The following CD4 variants were observed in gnomAD, a reference collection of about 807,000 sequenced individuals.
The protein encoded by CD4 is CD4 molecule, also known as T-cell surface glycoprotein CD4.
CD4 carries 25 observed loss-of-function variants against 50.5 expected under a neutral mutation model. That is an observed-to-expected ratio of 0.49 (90% CI 0.36 to 0.69). CD4 has a LOEUF of 0.69. CD4 is among the 30% of genes least tolerant of loss of function. CD4 has a pLI of 0.00. For missense variants in CD4, 456 were observed against 548.5 expected (o/e 0.83, Z 1.68); for synonymous variants, 207 against 221.9 (o/e 0.93, Z 0.60).
intron 3 of CD4, among the ~76,000 whole-genome samples, chr12:6,801,181 C>A (rs1555115175): frequency 6.7e-6 from 1 of 149,516 alleles, no homozygotes; most frequent in Non-Finnish European, 1.5e-5. Context: ...GCTGGAATTA[C>A]AGGTGTGTGT....
At chr12:6,814,334 T>C (rs782549315) in intron 4 of CD4, 34 bp downstream of exon 4, 1 of 1,597,000 alleles carries the variant, frequency 6.3e-7, no homozygotes, top group African/African-American at 1.3e-5. Flanking sequence ...GGATACCTCC[T>C]GCCTGGTTCC....
Position 6,818,635 on chromosome 12 carries a change from C to T in CD4, c.1278+93C>T. On this transcript the variant is annotated intron_variant, in intron 8 of 9. Coordinates refer to ENST00000011653, the MANE Select transcript of CD4 (RefSeq NM_000616.5). This position sits in a 1 kb window ranked among gnomAD's most constrained non-coding sequence, Gnocchi z 5.0. The stretch of plus-strand genomic sequence containing the variant: ...TATATGGGAACTGATTTTGGCCCAG[C>T]TCCCTCTGCCCACTCGTAAGTTCCC... 3 of 1,493,438 alleles carry T rather than the reference C, an allele frequency of 2.0e-6. No homozygotes were observed. The highest frequency in any genetic ancestry group is 2.8e-6 in the Non-Finnish European group (3 of 1,082,438). 92.5% of individuals were successfully genotyped at this position (1,493,438 alleles called of 1,614,324 possible). A position where few individuals can be genotyped will look rare whatever the true frequency, so the allele number is the denominator to read the frequency against.
chr12:6,811,323 A>G (rs1184063999), intron 3 of CD4, among the ~76,000 whole-genome samples: 3 of 152,196 alleles, frequency 2.0e-5, no homozygotes, highest in African/African-American at 7.2e-5. Flanking sequence ...ATGCACAGCT[A>G]AAGAGAAAAC....
rs559703976 is a variant in CD4, at chr12:6,802,814, G to A, written c.214+2343G>A. On this transcript the variant is annotated intron_variant, in intron 3 of 9. Transcript: ENST00000011653. Reference sequence around the variant, plus strand: ...TGCAATGGCGCGATCTCAGCTCGCTGCAACCTCTGCCTCCCAGGTTCAAGC... The same window carrying A: ...TGCAATGGCGCGATCTCAGCTCGCTACAACCTCTGCCTCCCAGGTTCAAGC... Among the ~76,000 whole-genome samples, 4 of 152,044 alleles carry A rather than the reference G, an allele frequency of 2.6e-5. No individual in the cohort carries two copies. The South Asian group carries it at 8.3e-4, about 32-fold the overall frequency.
At chr12:6,817,774 CCA>C (rs1173582654) in intron 7 of CD4, among the ~76,000 whole-genome samples, 37 of 146,508 alleles carry the variant, frequency 2.5e-4, no homozygotes, top group Admixed American at 7.5e-4. Context: ...ACACACACAT[CCA>C]CACTCACACC....
At chr12:6,819,193 G>C (rs1565503645) in intron 9 of CD4, 106 bp from the exon 10 acceptor site, 9 of 1,156,250 alleles carry the variant, frequency 7.8e-6, no homozygotes, top group Non-Finnish European at 1.2e-5. Flanking sequence ...GGCCCTGCTG[G>C]AAAGCCACTG....
intron 1 of CD4, among the ~76,000 whole-genome samples, chr12:6,793,637 G>A (rs1206732403): frequency 2.0e-5 from 3 of 149,706 alleles, no homozygotes; most frequent in Non-Finnish European, 4.4e-5. Context: ...AAACAAAATT[G>A]TATCTATCTA....
chr12:6,800,510 A>G (rs782224163), intron 3 of CD4, 39 bp downstream of exon 3: 6 of 1,559,836 alleles, frequency 3.8e-6, no homozygotes, highest in Non-Finnish European at 5.2e-6. Context: ...AGGAAAACAC[A>G]CTATGGAGTG....
rs968880875 is a variant in CD4, at chr12:6,819,282, C to A, written c.1347-17C>A. 7 of 1,614,080 alleles carry A rather than the reference C, an allele frequency of 4.3e-6. No individual in the cohort carries two copies. Among genetic ancestry groups the A allele is most frequent in the Non-Finnish European group, 5.9e-6 (7 of 1,179,930 alleles). ...CAGTGGGGACAGACCTGCTCCCCTTCTTCTTTGTTCCTGCAGCCGGTTTCA... is the reference window on the plus strand; with the variant it reads ...CAGTGGGGACAGACCTGCTCCCCTTATTCTTTGTTCCTGCAGCCGGTTTCA... On this transcript the variant is annotated splice_polypyrimidine_tract_variant and intron_variant, in intron 9 of 9. Transcript: ENST00000011653.
chr12:6,800,722 A>G (rs540813981), intron 3 of CD4, among the ~76,000 whole-genome samples: 12 of 152,174 alleles, frequency 7.9e-5, no homozygotes, highest in Non-Finnish European at 1.8e-4. Context: ...AACAATCACT[A>G]TCACTTAAAA....
chr12:6,817,727 CATCA>C (rs1219735720), intron 7 of CD4, among the ~76,000 whole-genome samples: 1 of 145,694 alleles, frequency 6.9e-6, no homozygotes, highest in Non-Finnish European at 1.5e-5. Context: ...CACGCACACA[CATCA>C]CTCACACACT....
chr12:6,816,765 T>G lies in CD4; in HGVS notation c.955+362T>G, dbSNP rs776269660. On this transcript the variant is annotated intron_variant, in intron 6 of 9. Transcript: ENST00000011653. This position sits in a 1 kb window ranked among gnomAD's most constrained non-coding sequence, Gnocchi z 4.9. ...CTGTGTGATAGTAATGATGATAATG[T>G]CAAGCTCCAAATTGAGTTTCTGGCT... Among the ~76,000 whole-genome samples, 4 of 152,244 alleles carry G rather than the reference T, an allele frequency of 2.6e-5. No homozygotes were observed. The highest frequency in any genetic ancestry group is 4.8e-5 in the African/African-American group (2 of 41,470).
chr12:6,819,205 A>T, intron 9 of CD4, 94 bp from the exon 10 acceptor site: 1 of 1,259,328 alleles, frequency 7.9e-7, no homozygotes. Flanking sequence ...AAGCCACTGG[A>T]GCTGTGCTGC....
In CD4 at chr12:6,800,486, C is replaced by T. The variant is rs1565491793; in HGVS notation, c.214+15C>T. 5 of 1,606,468 alleles carry T rather than the reference C, an allele frequency of 3.1e-6. No homozygotes were observed. The East Asian group carries it at 1.1e-4, about 36-fold the overall frequency. On this transcript the variant is annotated intron_variant, in intron 3 of 9. Transcript: ENST00000011653. ...CTTAACTAAAGGTAGGGTTGCCTGG[C>T]TCCCCATCCAGGGAGGAAAACACAC...
intron 1 of CD4, among the ~76,000 whole-genome samples, chr12:6,796,162 C>A (rs1942371123): frequency 1.3e-5 from 2 of 152,230 alleles, no homozygotes; most frequent in Admixed American, 6.5e-5. Context: ...TGCTGCCAGG[C>A]TTGTGGTGGC....
chr12:6,793,649 CATCTATCTATCT>C (rs56153037), intron 1 of CD4, among the ~76,000 whole-genome samples: 16,833 of 127,618 alleles, frequency 0.13, 1,404 homozygotes, highest in Middle Eastern at 0.22. Flanking sequence ...ATCTATCTAT[CATCTATCTATCT>C]ATCTATCTAT....
chr12:6,806,434 A>C (rs1555116199), intron 3 of CD4, among the ~76,000 whole-genome samples: 1 of 152,058 alleles, frequency 6.6e-6, no homozygotes. Flanking sequence ...GCAGTGAGCC[A>C]AGATGTTGCC....
intron 7 of CD4, among the ~76,000 whole-genome samples, chr12:6,817,842 T>TAC (rs1222257775): frequency 3.4e-5 from 5 of 145,232 alleles, no homozygotes; most frequent in Non-Finnish European, 7.4e-5. Context: ...CACACACTCA[T>TAC]ACACACACAT....
At chr12:6,804,455 T>C (rs1372429154) in intron 3 of CD4, among the ~76,000 whole-genome samples, 1 of 152,240 alleles carries the variant, frequency 6.6e-6, no homozygotes, top group Admixed American at 6.5e-5. Context: ...AGAAACTTCT[T>C]AGAATTAATA....
Sources: allele counts gnomAD v4.1 joint callset (sites outside exome capture counted in the v4.1 genomes callset), GRCh38; gene constraint gnomAD v4.1.1; non-coding constraint Gnocchi (gnomAD v3.1); transcripts MANE v1.5; gene names NCBI Gene and HGNC (gene_info 2026-07-23, HGNC 2026-07-21).